SYMPK: variants seen among roughly 807,000 people sequenced by gnomAD.
SYMPK encodes the protein symplekin scaffold protein.
A neutral mutation model predicts 136.4 loss-of-function variants in SYMPK; 49 were observed. That is an observed-to-expected ratio of 0.36 (90% CI 0.29 to 0.46). The LOEUF (loss-of-function observed/expected upper bound fraction) is 0.46. Among genes scored for constraint, SYMPK ranks in the 20% least tolerant of loss-of-function variants. The probability of loss-of-function intolerance (pLI) is 1.00; values close to 1 mark genes in which losing one functional copy is unlikely to be tolerated. For missense variants in SYMPK, 1,365 were observed against 1,690.0 expected (o/e 0.81, Z 3.37); for synonymous variants, 766 against 713.0 (o/e 1.07, Z -1.19).
chr19:45,855,415 C>G (rs1027245134), intron 1 of SYMPK: 6 of 152,088 alleles, frequency 3.9e-5, no homozygotes, highest in South Asian at 2.1e-4. Flanking sequence ...CACAACTATT[C>G]ATAATAGCAA....
intron 10 of SYMPK, among the ~76,000 whole-genome samples, chr19:45,837,991 T>C (rs1045696806): frequency 1.3e-5 from 2 of 152,066 alleles, no homozygotes; most frequent in Admixed American, 1.3e-4. Flanking sequence ...GGCTCACTGA[T>C]GTAGTCTGGA....
chr19:45,827,778 C>T, intron 15 of SYMPK, 59 bp downstream of exon 15: 1 of 1,562,694 alleles, frequency 6.4e-7, no homozygotes, highest in Non-Finnish European at 8.8e-7. Flanking sequence ...CCCTTCAGAC[C>T]CCTCAGGGCA....
chr19:45,859,659 T>C (rs549806591), intron 1 of SYMPK, among the ~76,000 whole-genome samples: 28 of 151,702 alleles, frequency 1.8e-4, no homozygotes, highest in African/African-American at 6.8e-4. Flanking sequence ...ACGGGTATAG[T>C]GGCTCACAAT....
Position 45,820,951 on chromosome 19 carries a change from G to A in SYMPK, c.2893+433C>T, listed in dbSNP as rs139680092. On this transcript the variant is annotated intron_variant, in intron 22 of 26. Transcript: ENST00000245934. ...CGGCCAGTTCGTCACCAACCCTGCC[G>A]CCCTGCAGGCAAGCTCTCCTGCCTC... 1,287 of 580,854 alleles carry A rather than the reference G, an allele frequency of 2.2e-3. 3 individuals carry two copies. Among genetic ancestry groups the A allele is most frequent in the Non-Finnish European group, 3.2e-3 (1,068 of 330,058 alleles). The allele number at this position is 580,854 out of a possible 1,614,324, so 36.0% of individuals were successfully genotyped here.
chr19:45,841,627 T>C (rs1971439246), intron 9 of SYMPK, among the ~76,000 whole-genome samples: 1 of 152,214 alleles, frequency 6.6e-6, no homozygotes. Context: ...AAAATAAATC[T>C]TTCGTAAATG....
Position 45,831,368 on chromosome 19 carries a change from C to A in SYMPK, c.1598+16G>T. On this transcript the variant is annotated intron_variant, in intron 12 of 26. Transcript: ENST00000245934. ...TAGGGCTCCTGTCCTGCCCTAGCAC[C>A]CAGAAGAGGACTCACCGGGGCTGAG... 6.6e-7 allele frequency: 1 copy of A among 1,523,410 alleles called. No homozygotes were observed. Among genetic ancestry groups the A allele is most frequent in the African/African-American group, 1.4e-5 (1 of 72,448 alleles). 94.4% of individuals were successfully genotyped at this position (1,523,410 alleles called of 1,614,324 possible). A position where few individuals can be genotyped will look rare whatever the true frequency, so the allele number is the denominator to read the frequency against.
chr19:45,845,668 G>A (rs1971542584), intron 7 of SYMPK, among the ~76,000 whole-genome samples: 2 of 152,232 alleles, frequency 1.3e-5, no homozygotes, highest in South Asian at 2.1e-4. Flanking sequence ...ATGGAAGTGC[G>A]GGTTATCTTT....
Position 45,854,515 on chromosome 19 carries a change from C to G in SYMPK, c.-12-8G>C. ...CGCCATGGCTGCTGTCAGCTTGTCC[C>G]CAGGAAAGAAGAGGATGGATCAAGC... On this transcript the variant is annotated splice_region_variant and splice_polypyrimidine_tract_variant and intron_variant, in intron 1 of 26. Transcript: ENST00000245934. 1 of 1,610,868 alleles carries G rather than the reference C, an allele frequency of 6.2e-7. No individual in the cohort carries two copies. Among genetic ancestry groups the G allele is most frequent in the Non-Finnish European group, 8.5e-7 (1 of 1,178,286 alleles).
intron 11 of SYMPK, among the ~76,000 whole-genome samples, chr19:45,833,018 C>CA (rs11392482): frequency 0.32 from 40,393 of 124,592 alleles, 6,416 homozygotes; most frequent in Non-Finnish European, 0.35. Flanking sequence ...GACTCCATCT[C>CA]AAAAAAAAAA....
At chr19:45,841,141 G>A (rs1469885335) in intron 9 of SYMPK, among the ~76,000 whole-genome samples, 2 of 151,580 alleles carry the variant, frequency 1.3e-5, no homozygotes, top group South Asian at 2.1e-4. Context: ...GCACCACCAC[G>A]CCTGGCTAAT....
In SYMPK at chr19:45,816,133, A is replaced by AG. The variant is rs1970729054; in HGVS notation, c.3404dup (p.Gln1136SerfsTer51). 1 of 1,550,850 alleles carries AG rather than the reference A, an allele frequency of 6.4e-7. No homozygotes were observed. The highest frequency in any genetic ancestry group is 8.7e-7 in the Non-Finnish European group (1 of 1,145,724). On this transcript the variant is annotated frameshift_variant, in exon 26 of 27. Coordinates refer to ENST00000245934, the MANE Select transcript of SYMPK (RefSeq NM_004819.3). LOFTEE classifies it high-confidence loss of function. ...CCAGTCGCAGGCCGATGAGGTCCTG[A>AG]GGGGGCCGGGGTGCTGGGGCCGGGG...
chr19:45,835,342 C>T lies in SYMPK; in HGVS notation c.1243-114G>A, dbSNP rs977483052. 4.9e-6 allele frequency: 5 copies of T among 1,022,894 alleles called. 1 individual carries two copies. The Admixed American group carries it at 8.0e-5, about 16-fold the overall frequency. 63.4% of individuals were successfully genotyped at this position (1,022,894 alleles called of 1,614,324 possible). On this transcript the variant is annotated intron_variant, in intron 10 of 26. Transcript: ENST00000245934. ...AGTGCCTAAGACCGACTTGGGCCTG[C>T]TCTCCTGGGGCCCAGCCTCTTCTGG...
chr19:45,836,481 C>T (rs1183993052), intron 10 of SYMPK, among the ~76,000 whole-genome samples: 1 of 151,310 alleles, frequency 6.6e-6, no homozygotes, highest in Admixed American at 6.6e-5. Context: ...ATACAAAAAA[C>T]TTAGCTGGGC....
chr19:45,841,694 T>C (rs146445561), intron 9 of SYMPK, among the ~76,000 whole-genome samples: 1,843 of 152,298 alleles, frequency 0.012, 18 homozygotes, highest in Non-Finnish European at 0.018. Context: ...AAAGCCATAG[T>C]TGACACTATT....
chr19:45,843,762 C>T (rs768229916), intron 8 of SYMPK, among the ~76,000 whole-genome samples: 18 of 151,692 alleles, frequency 1.2e-4, no homozygotes, highest in Non-Finnish European at 1.9e-4. Context: ...CTGGCCAACA[C>T]GGTGAAACCC....
intron 1 of SYMPK, among the ~76,000 whole-genome samples, chr19:45,860,971 T>C (rs1284566158): frequency 1.3e-5 from 2 of 152,242 alleles, no homozygotes; most frequent in Admixed American, 1.3e-4. Flanking sequence ...CTGCATATCT[T>C]CCTTACCACT....
At chr19:45,831,263 CTTCT>C (rs1029915048) in intron 12 of SYMPK, 117 bp downstream of exon 12, 5 of 723,272 alleles carry the variant, frequency 6.9e-6, no homozygotes, top group Non-Finnish European at 8.1e-6. Context: ...TCCAGACTTC[CTTCT>C]GTCTGCATCT....
Position 45,821,287 on chromosome 19 carries a change from T to G in SYMPK, c.2893+97A>C. ...GAGGTGGGGCTGTGAGTGACAGTCT[T>G]TGACTTGGCAGATTCCAGTGGGGGC... On this transcript the variant is annotated intron_variant, in intron 22 of 26. Coordinates refer to ENST00000245934, the MANE Select transcript of SYMPK (RefSeq NM_004819.3). The surrounding 1 kb of genome is among the most constrained non-coding windows in gnomAD (Gnocchi z 4.4). 1.1e-6 allele frequency: 1 copy of G among 934,732 alleles called. No individual in the cohort carries two copies. 57.9% of individuals were successfully genotyped at this position (934,732 alleles called of 1,614,324 possible). A position where few individuals can be genotyped will look rare whatever the true frequency, so the allele number is the denominator to read the frequency against.
chr19:45,854,352 C>T, intron 2 of SYMPK, 39 bp downstream of exon 2: 3 of 1,609,396 alleles, frequency 1.9e-6, no homozygotes, highest in African/African-American at 2.7e-5. Context: ...AAGCCAGGGG[C>T]TATGCTTCCT....
Sources: allele counts gnomAD v4.1 joint callset (sites outside exome capture counted in the v4.1 genomes callset), GRCh38; gene constraint gnomAD v4.1.1; non-coding constraint Gnocchi (gnomAD v3.1); transcripts MANE v1.5; gene names NCBI Gene and HGNC (gene_info 2026-07-23, HGNC 2026-07-21).